The following SEMA3C variants were observed in gnomAD, a reference collection of about 807,000 sequenced individuals.
SEMA3C encodes the protein semaphorin 3C.
A neutral mutation model predicts 89.4 loss-of-function variants in SEMA3C; 47 were observed. The ratio of observed to expected loss-of-function variants is 0.53; its 90% CI spans 0.42 to 0.67. SEMA3C has a LOEUF of 0.67. Ranked by LOEUF, SEMA3C falls within the 30% of genes least tolerant of loss-of-function variation. SEMA3C has a pLI of 0.00. For missense variants in SEMA3C, 839 were observed against 929.1 expected (o/e 0.90, Z 1.26); for synonymous variants, 310 against 320.2 (o/e 0.97, Z 0.34).
chr7:80,906,021 GGA>G, intron 2 of SEMA3C: 4 of 526,774 alleles, frequency 7.6e-6, no homozygotes, highest in Non-Finnish European at 9.4e-6. Context: ...AGCAAAAGAA[GGA>G]GAGACAGATG....
intron 2 of SEMA3C, among the ~76,000 whole-genome samples, chr7:80,838,835 GA>G (rs1428780814): frequency 1.3e-5 from 2 of 152,130 alleles, no homozygotes; most frequent in African/African-American, 4.8e-5. Context: ...CCGCCCCCAT[GA>G]TCCAATTACC....
chr7:80,757,859 C>A (rs1386598090), intron 15 of SEMA3C, among the ~76,000 whole-genome samples: 1 of 151,978 alleles, frequency 6.6e-6, no homozygotes, highest in African/African-American at 2.4e-5. Flanking sequence ...CCCAGCTACT[C>A]GGGAGGCTGA....
At chr7:80,881,889 C>T (rs949852673) in intron 2 of SEMA3C, among the ~76,000 whole-genome samples, 1 of 151,976 alleles carries the variant, frequency 6.6e-6, no homozygotes, top group African/African-American at 2.4e-5. Flanking sequence ...GGTTTATCCA[C>T]GTATGGATAC....
In SEMA3C at chr7:80,744,196, C is replaced by T. The variant is rs1401775153; in HGVS notation, c.*698G>A. On this transcript the variant is annotated 3_prime_UTR_variant, in exon 18 of 18. Coordinates refer to ENST00000265361, the MANE Select transcript of SEMA3C (RefSeq NM_006379.5). Reference sequence around the variant, plus strand: ...GAAGGTGATAACATAAGAATATAAACCAAACTGCTTCACTGATATAACTCC... The same window carrying T: ...GAAGGTGATAACATAAGAATATAAATCAAACTGCTTCACTGATATAACTCC... The T allele has an allele frequency of 6.6e-6, 1 of 151,906 alleles. No homozygotes were observed. Among genetic ancestry groups the T allele is most frequent in the East Asian group, 1.9e-4 (1 of 5,186 alleles). 9.4% of individuals were successfully genotyped at this position (151,906 alleles called of 1,614,324 possible).
rs573868995 is a variant in SEMA3C at position 80,829,153 on chromosome 7, C to T, written c.104-408G>A. ...CTGCACGCCAGCTCTGGCAACAGAACGAGACACTGCCTCAAAAAAAAAAGT... is the reference window on the plus strand; with the variant it reads ...CTGCACGCCAGCTCTGGCAACAGAATGAGACACTGCCTCAAAAAAAAAAGT... On this transcript the variant is annotated intron_variant, in intron 2 of 17. Coordinates refer to ENST00000265361, the MANE Select transcript of SEMA3C (RefSeq NM_006379.5). Among the ~76,000 whole-genome samples, 39 of 151,910 alleles carry T rather than the reference C, an allele frequency of 2.6e-4. No homozygotes were observed. The South Asian group carries it at 6.8e-3, about 27-fold the overall frequency.
intron 17 of SEMA3C, among the ~76,000 whole-genome samples, chr7:80,748,612 CTT>C (rs1324568627): frequency 1.3e-5 from 2 of 152,228 alleles, no homozygotes; most frequent in African/African-American, 2.4e-5. Flanking sequence ...TTGCACACAT[CTT>C]GTTTCTTTTA....
intron 2 of SEMA3C, among the ~76,000 whole-genome samples, chr7:80,845,386 A>T (rs1227070536): frequency 2.0e-5 from 3 of 151,964 alleles, no homozygotes; most frequent in African/African-American, 7.3e-5. Flanking sequence ...AAGACTTTTT[A>T]AAAATAAAAC....
At position 80,828,588 on chromosome 7, in the gene SEMA3C, C is replaced by A; in HGVS notation, c.261G>T (p.Leu87Phe). The part of the protein sequence containing the change: ...LNINNISQEA[L>F]SVFWPASTIK... ...CTCGTGAAAGTGATAAACTTACACTCAAAGCTTCTTGACTTATATTGTTAA... is the reference window on the plus strand; with the variant it reads ...CTCGTGAAAGTGATAAACTTACACTAAAAGCTTCTTGACTTATATTGTTAA... Residue 87 changes from leucine (L) to phenylalanine (F), a missense_variant, in exon 3 of 18, where the codon TTG becomes TTT. By Grantham distance (22) the Leu-to-Phe change is conservative. Transcript: ENST00000265361. The A allele has an allele frequency of 6.2e-7, 1 of 1,604,198 alleles. No individual in the cohort carries two copies. Among genetic ancestry groups the A allele is most frequent in the Non-Finnish European group, 8.5e-7 (1 of 1,174,176 alleles).
intron 2 of SEMA3C, among the ~76,000 whole-genome samples, chr7:80,881,094 T>C (rs1399627556): frequency 6.6e-6 from 1 of 151,964 alleles, no homozygotes; most frequent in East Asian, 1.9e-4. Flanking sequence ...ATGTACGATG[T>C]TGTTTCTGAT....
intron 2 of SEMA3C, 78 bp from the exon 3 acceptor site, chr7:80,828,823 C>A (rs1156792583): frequency 4.6e-6 from 5 of 1,081,308 alleles, no homozygotes; most frequent in African/African-American, 3.2e-5. Flanking sequence ...AACTATTATG[C>A]AAATATTCCA....
intron 2 of SEMA3C, among the ~76,000 whole-genome samples, chr7:80,911,891 C>T (rs1792159719): frequency 6.6e-6 from 1 of 152,112 alleles, no homozygotes; most frequent in African/African-American, 2.4e-5. Context: ...CCTTGGCCTC[C>T]CAAAGTGCTA....
chr7:80,840,887 G>A (rs1230487034), intron 2 of SEMA3C, among the ~76,000 whole-genome samples: 1 of 152,096 alleles, frequency 6.6e-6, no homozygotes, highest in Non-Finnish European at 1.5e-5. Flanking sequence ...TCATGGCTGT[G>A]GAAACAATCA....
At chr7:80,749,151 G>C (rs561101153) in intron 16 of SEMA3C, 123 bp from the exon 17 acceptor site, 4 of 1,026,418 alleles carry the variant, frequency 3.9e-6, no homozygotes, top group Non-Finnish European at 5.3e-6. Context: ...AACTATCGCA[G>C]CCAGCAAAAA....
chr7:80,871,774 G>A (rs940402083), intron 2 of SEMA3C, among the ~76,000 whole-genome samples: 6 of 152,038 alleles, frequency 3.9e-5, no homozygotes, highest in South Asian at 4.1e-4. Flanking sequence ...CAAAAATTTC[G>A]GTCTCAAGAC....
intron 2 of SEMA3C, among the ~76,000 whole-genome samples, chr7:80,853,020 G>T (rs959042186): frequency 1.3e-5 from 2 of 152,086 alleles, no homozygotes; most frequent in South Asian, 2.1e-4. Context: ...ATGGTAAACA[G>T]ATATACATAA....
At chr7:80,838,403 G>A (rs1790184302) in intron 2 of SEMA3C, among the ~76,000 whole-genome samples, 1 of 152,108 alleles carries the variant, frequency 6.6e-6, no homozygotes, top group Non-Finnish European at 1.5e-5. Context: ...ATTATCTATT[G>A]TTGTGGGATA....
chr7:80,820,688 G>A (rs1789726106), intron 4 of SEMA3C, among the ~76,000 whole-genome samples: 1 of 151,992 alleles, frequency 6.6e-6, no homozygotes, highest in Non-Finnish European at 1.5e-5. Flanking sequence ...ATTTTATCTT[G>A]ACACCTGTTT....
At chr7:80,793,947 T>C (rs1432242729) in intron 11 of SEMA3C, among the ~76,000 whole-genome samples, 51 of 151,858 alleles carry the variant, frequency 3.4e-4, no homozygotes, top group Admixed American at 3.4e-3. Flanking sequence ...CTAGTACTGG[T>C]CTATGAAATT....
intron 15 of SEMA3C, 28 bp downstream of exon 15, chr7:80,758,303 G>A (rs955472609): frequency 2.5e-6 from 4 of 1,595,984 alleles, no homozygotes; most frequent in Non-Finnish European, 3.4e-6. Flanking sequence ...CCTACATTTG[G>A]ATGTTGAGCC....
Sources: gnomAD v4.1 joint callset for allele counts (sites outside exome capture counted in the v4.1 genomes callset) on GRCh38, gnomAD v4.1.1 for gene constraint, MANE v1.5 for transcripts, NCBI Gene and HGNC (gene_info 2026-07-23, HGNC 2026-07-21) for gene names.